Variants in FCN1 observed in about 807,000 individuals in gnomAD.
The protein encoded by FCN1 is ficolin 1, also known as ficolin-1.
Under a neutral mutation model 35.6 loss-of-function variants are expected in FCN1, and 42 were observed. The ratio of observed to expected loss-of-function variants is 1.18; its 90% CI spans 0.92 to 1.53. FCN1 has a LOEUF of 1.53. Among genes scored for constraint, FCN1 ranks in the 40% most tolerant of loss-of-function variants. The probability of loss-of-function intolerance (pLI) is 0.00; values close to 1 mark genes in which losing one functional copy is unlikely to be tolerated. For missense variants in FCN1, 439 were observed against 428.4 expected (o/e 1.02, Z -0.22); for synonymous variants, 179 against 169.8 (o/e 1.05, Z -0.42).
chr9:134,910,900 C>T (rs561275542), intron 8 of FCN1, among the ~76,000 whole-genome samples: 12 of 152,344 alleles, frequency 7.9e-5, no homozygotes, highest in Non-Finnish European at 1.3e-4. Flanking sequence ...GCTGGTGGGT[C>T]GTCTCAGCCC....
At position 134,904,621 on chromosome 9, in the gene FCN1, A is replaced by G. The variant is rs1830919333; in HGVS notation, c.*5177T>C. Among the ~76,000 whole-genome samples the G allele has an allele frequency of 1.3e-5, 2 of 152,082 alleles. No homozygotes were observed. The highest frequency in any genetic ancestry group is 3.9e-4 in the East Asian group (2 of 5,194). On this transcript the variant is annotated 3_prime_UTR_variant, in exon 9 of 9. Coordinates refer to ENST00000371806, the MANE Select transcript of FCN1 (RefSeq NM_002003.5). Reference sequence around the variant, plus strand: ...TGGCGAAACCCCATCTCTACCAAAAAATACAAAAATTAGCCCAGCGTAGTG... The same window carrying G: ...TGGCGAAACCCCATCTCTACCAAAAGATACAAAAATTAGCCCAGCGTAGTG...
chr9:134,909,677 GGGGCAGCTGTGGGC>G lies in FCN1; in HGVS notation c.*107_*120del. 1 of 1,595,648 alleles carries G rather than the reference GGGGCAGCTGTGGGC, an allele frequency of 6.3e-7. No homozygotes were observed. Among genetic ancestry groups the G allele is most frequent in the South Asian group, 1.1e-5 (1 of 90,020 alleles). On this transcript the variant is annotated 3_prime_UTR_variant, in exon 9 of 9. Transcript: ENST00000371806. ...GCGGCTTGACTGAGCTGGGGGCAAA[GGGGCAGCTGTGGGC>G]GTCATGGGAGTGTGTCTGGCTGGGG... is the stretch of plus-strand genomic sequence containing the variant.
chr9:134,914,305 G>T, intron 4 of FCN1, 80 bp downstream of exon 4: 2 of 1,251,436 alleles, frequency 1.6e-6, no homozygotes, highest in Non-Finnish European at 1.2e-6. Context: ...TGGGCGGTGG[G>T]CAGGCGGACT....
rs147502769 is a variant in FCN1, at chr9:134,911,167, C to T, written c.699G>A (p.Lys233=). The T allele has an allele frequency of 8.4e-5, 135 of 1,614,188 alleles. No homozygotes were observed. In the African/African-American group the frequency reaches 1.7e-3, roughly 20 times the overall value. The part of the protein sequence containing the change: ...FKVADEAEKY[K]LVLGAFVGGS... Reference sequence around the variant, plus strand: ...CCCCGACAAAGGCTCCCAGTACCAGCTTGTACTTCTCTGCCTCGTCAGCCA... The same window carrying T: ...CCCCGACAAAGGCTCCCAGTACCAGTTTGTACTTCTCTGCCTCGTCAGCCA... Residue 233 remains lysine, a synonymous_variant, in exon 8 of 9, where the codon AAG becomes AAA. Coordinates refer to ENST00000371806, the MANE Select transcript of FCN1 (RefSeq NM_002003.5).
Position 134,908,212 on chromosome 9 carries a change from T to C in FCN1, c.*1586A>G, listed in dbSNP as rs918246317. On this transcript the variant is annotated 3_prime_UTR_variant, in exon 9 of 9. Coordinates refer to ENST00000371806, the MANE Select transcript of FCN1 (RefSeq NM_002003.5). The stretch of plus-strand genomic sequence containing the variant: ...AGTGGAGCACTTTTTGATAAATACC[T>C]TGCTCCCCTGCATGTCATCTTCTGT... 20 of 152,298 alleles carry C rather than the reference T, an allele frequency of 1.3e-4. No individual in the cohort carries two copies. Among genetic ancestry groups the C allele is most frequent in the African/African-American group, 4.8e-4 (20 of 41,456 alleles). The allele number at this position is 152,298 out of a possible 1,614,324, so 9.4% of individuals were successfully genotyped here.
chr9:134,909,857 C>T lies in FCN1; in HGVS notation c.922G>A (p.Ala308Thr), dbSNP rs780074993. Reference sequence around the variant, plus strand: ...TAGCTATATTTGTACCCCTTCGCCGCACTCCAGTTGATACCATTGGCATAG... The same window carrying T: ...TAGCTATATTTGTACCCCTTCGCCGTACTCCAGTTGATACCATTGGCATAG... ...ESYANGINWSAAKGYKYSYKV... is the reference protein window; with the variant it reads ...ESYANGINWSTAKGYKYSYKV... The change falls in exon 9 of 9, where the codon GCG becomes ACG. Residue 308 changes from alanine to threonine, a missense_variant. By Grantham distance (58) the Ala-to-Thr change is moderately conservative. Transcript: ENST00000371806. 13 of 1,614,008 alleles carry T rather than the reference C, an allele frequency of 8.1e-6. No individual in the cohort carries two copies. Among genetic ancestry groups the T allele is most frequent in the African/African-American group, 4.0e-5 (3 of 74,914 alleles).
Position 134,916,368 on chromosome 9 carries a change from G to T in FCN1, c.197C>A (p.Ala66Glu). 6.2e-7 allele frequency: 1 copy of T among 1,614,002 alleles called. No individual in the cohort carries two copies. Among genetic ancestry groups the T allele is most frequent in the East Asian group, 2.2e-5 (1 of 44,876 alleles). Residue 66 changes from alanine to glutamate, a missense_variant, in exon 2 of 9, where the codon GCA (alanine) becomes GAA (glutamate). Physicochemically the swap from Ala to Glu is moderately radical, Grantham distance 107. Coordinates refer to ENST00000371806, the MANE Select transcript of FCN1 (RefSeq NM_002003.5). ...LPGAPGPKGEAGVIGERGERG... is the reference protein window; with the variant it reads ...LPGAPGPKGEEGVIGERGERG... ...CCTACCTCTCTCTCCAATGACACCT[G>T]CCTCTCCCTTTGGCCCTGGGGCCCC...
Position 134,909,867 on chromosome 9 carries a change from G to C in FCN1, c.912C>G (p.Ile304Met). The change falls in exon 9 of 9, where the codon ATC (isoleucine) becomes ATG (methionine). Residue 304 changes from isoleucine (I) to methionine (M), a missense_variant. Coordinates refer to ENST00000371806, the MANE Select transcript of FCN1 (RefSeq NM_002003.5). Reference protein sequence around the residue: ...MGPHESYANGINWSAAKGYKY... With the variant: ...MGPHESYANGMNWSAAKGYKY... The stretch of plus-strand genomic sequence containing the variant: ...TGTACCCCTTCGCCGCACTCCAGTT[G>C]ATACCATTGGCATAGCTCTCATGGG... The C allele has an allele frequency of 6.2e-7, 1 of 1,614,132 alleles. No homozygotes were observed. The highest frequency in any genetic ancestry group is 8.5e-7 in the Non-Finnish European group (1 of 1,180,034).
At position 134,908,653 on chromosome 9, in the gene FCN1, C is replaced by T. The variant is rs12376431; in HGVS notation, c.*1145G>A. The T allele has an allele frequency of 1.6e-4, 25 of 154,214 alleles. No individual in the cohort carries two copies. The highest frequency in any genetic ancestry group is 2.9e-4 in the Non-Finnish European group (20 of 69,752). 9.6% of individuals were successfully genotyped at this position (154,214 alleles called of 1,614,324 possible). The stretch of plus-strand genomic sequence containing the variant: ...GGCTTTGGGGTTGGGGGAAGGAGTC[C>T]GGGCCAATGAATGCCAGTGACCCCT... On this transcript the variant is annotated 3_prime_UTR_variant, in exon 9 of 9. Coordinates refer to ENST00000371806, the MANE Select transcript of FCN1 (RefSeq NM_002003.5).
intron 2 of FCN1, 31 bp downstream of exon 2, chr9:134,916,317 T>C: frequency 1.3e-6 from 2 of 1,528,350 alleles, no homozygotes; most frequent in Admixed American, 1.7e-5. Context: ...GCCCCTGCCA[T>C]GCCTGGCCTC....
intron 7 of FCN1, 54 bp downstream of exon 7, chr9:134,912,432 G>A: frequency 3.2e-6 from 5 of 1,573,334 alleles, no homozygotes; most frequent in South Asian, 1.2e-5. Context: ...CCAGGCCTAA[G>A]GGGCAGGAGC....
chr9:134,912,555 G>T lies in FCN1; in HGVS notation c.529C>A (p.Gln177Lys). 6.2e-7 allele frequency: 1 copy of T among 1,614,114 alleles called. No homozygotes were observed. The change falls in exon 7 of 9, where the codon CAG becomes AAG. Residue 177 changes from glutamine (Q) to lysine (K), a missense_variant. Gln to Lys is a moderately conservative substitution (Grantham distance 53). Coordinates refer to ENST00000371806, the MANE Select transcript of FCN1 (RefSeq NM_002003.5). The stretch of plus-strand genomic sequence containing the variant: ...TCCCCCAGCTGACTGCCGAAGCCCT[G>T]CTTGTATGCGGCCCAGTCCCGATAG... ...DFYRDWAAYK[Q>K]GFGSQLGEFW...
chr9:134,907,088 G>C lies in FCN1; in HGVS notation c.*2710C>G, dbSNP rs1830964530. The C allele has an allele frequency of 6.6e-6, 1 of 151,784 alleles. No homozygotes were observed. The highest frequency in any genetic ancestry group is 1.5e-5 in the Non-Finnish European group (1 of 67,954). 9.4% of individuals were successfully genotyped at this position (151,784 alleles called of 1,614,324 possible). On this transcript the variant is annotated 3_prime_UTR_variant, in exon 9 of 9. Transcript: ENST00000371806. ...CTCTGTCTCAAAAAACAAACTAAAA[G>C]GCATATTTCTATGGCTATTTTATAT...
chr9:134,909,986 C>A lies in FCN1; in HGVS notation c.793G>T (p.Val265Leu). ...TTCTCAGCACAATTCGAAGAACTCA[C>A]ATCATTGTCTTGGTCTTTGGTGGAG... The part of the protein sequence containing the change: ...FFSTKDQDND[V>L]SSSNCAEKFQ... The change falls in exon 9 of 9, where the codon GTG (valine) becomes TTG (leucine). Residue 265 changes from valine to leucine, a missense_variant. Physicochemically the swap from Val to Leu is conservative, Grantham distance 32 (BLOSUM62 1). Transcript: ENST00000371806. The A allele has an allele frequency of 1.2e-6, 2 of 1,614,142 alleles. No homozygotes were observed.
chr9:134,916,778 A>C (rs1222968812), intron 1 of FCN1, among the ~76,000 whole-genome samples: 1 of 152,250 alleles, frequency 6.6e-6, no homozygotes, highest in African/African-American at 2.4e-5. Context: ...ATTGTAATTT[A>C]TGGCATTTAG....
rs537353509 is a variant in FCN1, at chr9:134,905,118, C to A, written c.*4680G>T. ...AAAAATCAAGGCTATATATTGCAATCGCAAGCATAAACACCAAAAGATAGG... is the reference window on the plus strand; with the variant it reads ...AAAAATCAAGGCTATATATTGCAATAGCAAGCATAAACACCAAAAGATAGG... On this transcript the variant is annotated 3_prime_UTR_variant, in exon 9 of 9. Transcript: ENST00000371806. Among the ~76,000 whole-genome samples, 1 of 151,972 alleles carries A rather than the reference C, an allele frequency of 6.6e-6. No individual in the cohort carries two copies. The highest frequency in any genetic ancestry group is 1.5e-5 in the Non-Finnish European group (1 of 68,018).
In FCN1 at chr9:134,914,306, C is replaced by A; in HGVS notation, c.307+79G>T. 8 of 1,263,462 alleles carry A rather than the reference C, an allele frequency of 6.3e-6. No individual in the cohort carries two copies. In the South Asian group the frequency reaches 9.5e-5, roughly 15 times the overall value. The allele number at this position is 1,263,462 out of a possible 1,614,324, so 78.3% of individuals were successfully genotyped here. The stretch of plus-strand genomic sequence containing the variant: ...GATTGACAGGGACGTGGGCGGTGGG[C>A]AGGCGGACTGAGGCCTCTGAGACCC... On this transcript the variant is annotated intron_variant, in intron 4 of 8. Transcript: ENST00000371806.
At position 134,909,305 on chromosome 9, in the gene FCN1, G is replaced by A. The variant is rs993040667; in HGVS notation, c.*493C>T. ...TAGTAAGTGTTTTCTGGACCCCAAA[G>A]TGACCTTTTTCAAGAAGTGTGAAGT... On this transcript the variant is annotated 3_prime_UTR_variant, in exon 9 of 9. Coordinates refer to ENST00000371806, the MANE Select transcript of FCN1 (RefSeq NM_002003.5). The A allele has an allele frequency of 4.7e-6, 6 of 1,289,442 alleles. No individual in the cohort carries two copies. In the African/African-American group the frequency reaches 7.6e-5, roughly 16 times the overall value. The allele number at this position is 1,289,442 out of a possible 1,614,324, so 79.9% of individuals were successfully genotyped here. A position where few individuals can be genotyped will look rare whatever the true frequency, so the allele number is the denominator to read the frequency against.
At position 134,916,393 on chromosome 9, in the gene FCN1, C is replaced by T. The variant is rs748813099; in HGVS notation, c.172G>A (p.Gly58Arg). Reference protein sequence around the residue: ...TILRGCPGLPGAPGPKGEAGV... With the variant: ...TILRGCPGLPRAPGPKGEAGV... ...GCCTCTCCCTTTGGCCCTGGGGCCC[C>T]GGGCAGCCCCGGGCAGCCTCGGAGA... The change falls in exon 2 of 9, where the codon GGG becomes AGG. Residue 58 changes from glycine (G) to arginine (R), a missense_variant. Transcript: ENST00000371806. The T allele has an allele frequency of 1.4e-5, 23 of 1,613,986 alleles. No homozygotes were observed. The highest frequency in any genetic ancestry group is 1.1e-4 in the African/African-American group (8 of 74,926).
Sources: gnomAD v4.1 joint callset for allele counts (sites outside exome capture counted in the v4.1 genomes callset) on GRCh38, gnomAD v4.1.1 for gene constraint, MANE v1.5 for transcripts, NCBI Gene and HGNC (gene_info 2026-07-23, HGNC 2026-07-21) for gene names.